The following PRKCA variants were observed in gnomAD, a reference collection of about 807,000 sequenced individuals.
The protein encoded by PRKCA is protein kinase C alpha type.
Under a neutral mutation model 87.0 loss-of-function variants are expected in PRKCA, and 27 were observed. The observed-to-expected ratio is 0.31, with a 90% CI of 0.23 to 0.43. The LOEUF (loss-of-function observed/expected upper bound fraction) is 0.43. PRKCA is among the 20% of genes least tolerant of loss of function. PRKCA has a pLI of 1.00. For synonymous variants in PRKCA, 329 were observed against 311.1 expected (o/e 1.06, Z -0.61); for missense variants, 518 against 852.3 (o/e 0.61, Z 4.88).
At chr17:66,736,218 A>C (rs921344949) in intron 10 of PRKCA, among the ~76,000 whole-genome samples, 1 of 150,874 alleles carries the variant, frequency 6.6e-6, no homozygotes, top group Non-Finnish European at 1.5e-5. Flanking sequence ...GGTTTTCTTC[A>C]TGCCTGGTAC....
intron 8 of PRKCA, among the ~76,000 whole-genome samples, chr17:66,712,374 G>A (rs1034780509): frequency 1.3e-5 from 2 of 152,148 alleles, no homozygotes; most frequent in African/African-American, 2.4e-5. Flanking sequence ...TGCTGTTTGT[G>A]TCCTTTTTAT....
At chr17:66,713,284 T>G (rs1337373426) in intron 8 of PRKCA, among the ~76,000 whole-genome samples, 2 of 152,090 alleles carry the variant, frequency 1.3e-5, no homozygotes, top group Admixed American at 1.3e-4. Context: ...AGTCCTGACC[T>G]TGTGATCTGC....
rs572877559 is a variant in PRKCA at position 66,612,847 on chromosome 17, G to A, written c.289-28508G>A. Among the ~76,000 whole-genome samples, 229 of 151,992 alleles carry A rather than the reference G, an allele frequency of 1.5e-3. 1 individual carries two copies. Among genetic ancestry groups the A allele is most frequent in the Middle Eastern group, 3.4e-3 (1 of 294 alleles). On this transcript the variant is annotated intron_variant, in intron 3 of 16. Transcript: ENST00000413366. Reference sequence around the variant, plus strand: ...CTTTTTTCTCTTACAAACAGTTGAAGAAAATTATCTTTTCTGTTTTTAAAT... The same window carrying A: ...CTTTTTTCTCTTACAAACAGTTGAAAAAAATTATCTTTTCTGTTTTTAAAT...
intron 14 of PRKCA, chr17:66,778,161 T>C (rs61762778): frequency 1.0e-5 from 10 of 985,252 alleles, no homozygotes; most frequent in Non-Finnish European, 1.2e-5. Flanking sequence ...CCCACACTGC[T>C]TCTCAGAGCC....
intron 8 of PRKCA, among the ~76,000 whole-genome samples, chr17:66,711,321 A>G (rs1186917192): frequency 2.0e-5 from 3 of 152,216 alleles, no homozygotes; most frequent in Admixed American, 6.5e-5. Context: ...GTTCATATGG[A>G]TGATGTAGTG....
chr17:66,670,471 G>A (rs1209686492), intron 5 of PRKCA, among the ~76,000 whole-genome samples: 1 of 152,202 alleles, frequency 6.6e-6, no homozygotes. Context: ...GTCAGAAGAT[G>A]CTATCTCATT....
At chr17:66,389,151 C>T (rs144045765) in intron 2 of PRKCA, among the ~76,000 whole-genome samples, 3 of 152,340 alleles carry the variant, frequency 2.0e-5, no homozygotes, top group Non-Finnish European at 4.4e-5. Context: ...CAGAGATAAA[C>T]GTGGCTTTCC....
chr17:66,419,875 T>G (rs1005284461), intron 2 of PRKCA, among the ~76,000 whole-genome samples: 1 of 152,152 alleles, frequency 6.6e-6, no homozygotes, highest in African/African-American at 2.4e-5. Flanking sequence ...GGTCCATCCA[T>G]GTATTTCTTC....
chr17:66,463,580 A>G (rs1914955208), intron 2 of PRKCA, among the ~76,000 whole-genome samples: 1 of 152,048 alleles, frequency 6.6e-6, no homozygotes, highest in African/African-American at 2.4e-5. Context: ...TATTTTTAGT[A>G]GAGATGGGGT....
intron 2 of PRKCA, among the ~76,000 whole-genome samples, chr17:66,437,212 A>T (rs555147683): frequency 3.6e-4 from 55 of 152,328 alleles, no homozygotes; most frequent in African/African-American, 1.3e-3. Context: ...GGCCCTGCTG[A>T]GCAGGTGGAG....
intron 3 of PRKCA, among the ~76,000 whole-genome samples, chr17:66,525,100 A>T (rs574261127): frequency 7.2e-5 from 11 of 152,244 alleles, no homozygotes; most frequent in South Asian, 4.1e-4. Flanking sequence ...GAGCTGAGGT[A>T]TTAAGAGACC....
At chr17:66,772,684 C>T (rs541476947) in intron 13 of PRKCA, among the ~76,000 whole-genome samples, 6 of 152,196 alleles carry the variant, frequency 3.9e-5, no homozygotes, top group Admixed American at 2.0e-4. Flanking sequence ...TTAATAAGCC[C>T]TGCCATACTT....
chr17:66,785,205 T>C (rs1252793103), intron 14 of PRKCA, among the ~76,000 whole-genome samples: 3 of 151,894 alleles, frequency 2.0e-5, no homozygotes, highest in Admixed American at 6.6e-5. Context: ...GGGACTGAGG[T>C]CAGGTCTCGG....
intron 8 of PRKCA, among the ~76,000 whole-genome samples, chr17:66,710,818 T>G (rs1217882998): frequency 6.6e-6 from 1 of 151,282 alleles, no homozygotes; most frequent in Non-Finnish European, 1.5e-5. Context: ...TCACCCGAGG[T>G]CAGGAGTTCA....
chr17:66,688,278 T>G (rs748958748), intron 6 of PRKCA, 24 bp from the exon 7 acceptor site: 65 of 1,612,922 alleles, frequency 4.0e-5, no homozygotes, highest in Admixed American at 6.7e-5. Flanking sequence ...TAACCTAGTG[T>G]TTGCATGTGT....
In PRKCA at chr17:66,792,648, G is replaced by A. The variant is rs1005959032; in HGVS notation, c.1854+3669G>A. ...GTTAGCACGGGACTTTCCATCTCAC[G>A]GCGACATTAAGATCAAGATCTGCAG... On this transcript the variant is annotated intron_variant, in intron 16 of 16. Transcript: ENST00000413366. This position sits in a 1 kb window ranked among gnomAD's most constrained non-coding sequence, Gnocchi z 4.5. 1.3e-5 allele frequency among the ~76,000 whole-genome samples: 2 copies of A among 152,224 alleles called. No homozygotes were observed. The highest frequency in any genetic ancestry group is 2.4e-5 in the African/African-American group (1 of 41,436).
chr17:66,579,598 G>A (rs1969355691), intron 3 of PRKCA, among the ~76,000 whole-genome samples: 2 of 152,148 alleles, frequency 1.3e-5, no homozygotes, highest in Admixed American at 6.5e-5. Context: ...AGCTCACGTG[G>A]CTGGTAGGGT....
intron 2 of PRKCA, among the ~76,000 whole-genome samples, chr17:66,450,729 A>C (rs1054781484): frequency 4.9e-4 from 75 of 152,154 alleles, no homozygotes; most frequent in African/African-American, 1.8e-3. Flanking sequence ...GAAGGTAATT[A>C]CCGCAAAAGC....
At chr17:66,310,864 A>G (rs1390846445) in intron 2 of PRKCA, among the ~76,000 whole-genome samples, 5 of 152,174 alleles carry the variant, frequency 3.3e-5, no homozygotes, top group African/African-American at 4.8e-5. Flanking sequence ...GACACCAAGT[A>G]CCAGGAGATA....
Sources: allele counts gnomAD v4.1 joint callset (sites outside exome capture counted in the v4.1 genomes callset), GRCh38; gene constraint gnomAD v4.1.1; non-coding constraint Gnocchi (gnomAD v3.1); transcripts MANE v1.5; gene names NCBI Gene and HGNC (gene_info 2026-07-23, HGNC 2026-07-21).